UBE2D2: variants seen among roughly 807,000 people sequenced by gnomAD.
UBE2D2 encodes ubiquitin-conjugating enzyme E2 D2.
A neutral mutation model predicts 24.2 loss-of-function variants in UBE2D2; 2 were observed. The ratio of observed to expected loss-of-function variants is 0.08; its 90% confidence interval spans 0.03 to 0.26. The LOEUF is 0.26. Ranked by LOEUF, UBE2D2 falls within the 10% of genes least tolerant of loss-of-function variation. The pLI is 1.00. For synonymous variants in UBE2D2, 58 were observed against 56.5 expected, an observed-to-expected ratio of 1.03 and a Z score of -0.12; for missense variants, 44 against 177.6, an observed-to-expected ratio of 0.25 and a Z score of 4.28.
intron 1 of UBE2D2, among the ~76,000 whole-genome samples, chr5:139,545,353 C>T (rs1394008941): frequency 1.3e-5 from 2 of 151,846 alleles, no homozygotes; most frequent in African/African-American, 4.8e-5. Flanking sequence ...TAAGCATATG[C>T]CACTGCTCTC....
chr5:139,591,808 A>G (rs1189220202), intron 1 of UBE2D2, among the ~76,000 whole-genome samples: 17 of 152,172 alleles, frequency 1.1e-4, no homozygotes, highest in African/African-American at 3.6e-4. Flanking sequence ...AAGTAGTAAA[A>G]ATTAAATTGT....
In UBE2D2 at chr5:139,548,864, T is replaced by G. The variant is rs565214128; in HGVS notation, c.-64+22252T>G. ...CCTGGTTCTTTTTTTTTTCTTTTTT[T>G]TTTAGATGGAGTCTCACTCTTTTGC... On this transcript the variant is annotated intron_variant, in intron 1 of 6. Transcript: ENST00000511725. 4.6e-5 allele frequency among the ~76,000 whole-genome samples: 7 copies of G among 151,870 alleles called. No individual in the cohort carries two copies. In the East Asian group the frequency reaches 1.4e-3, roughly 30 times the overall value.
At chr5:139,584,991 CTT>C (rs1381060338) in intron 1 of UBE2D2, among the ~76,000 whole-genome samples, 1 of 151,168 alleles carries the variant, frequency 6.6e-6, no homozygotes, top group Non-Finnish European at 1.5e-5. Flanking sequence ...ACCTCCATCT[CTT>C]GGGTTCAAGT....
intron 5 of UBE2D2, among the ~76,000 whole-genome samples, chr5:139,619,967 A>G (rs1217361353): frequency 6.6e-6 from 1 of 152,178 alleles, no homozygotes; most frequent in Non-Finnish European, 1.5e-5. Flanking sequence ...TCATGGCAGA[A>G]GGCAAAGGGG....
chr5:139,551,345 A>T (rs1035939110), intron 1 of UBE2D2, among the ~76,000 whole-genome samples: 21 of 152,140 alleles, frequency 1.4e-4, no homozygotes, highest in Admixed American at 1.4e-3. Flanking sequence ...GTGAAACTCC[A>T]TCTCAAAGAA....
intron 1 of UBE2D2, among the ~76,000 whole-genome samples, chr5:139,578,964 A>G (rs1005008724): frequency 7.2e-5 from 11 of 151,778 alleles, no homozygotes; most frequent in Admixed American, 2.0e-4. Context: ...ATTTTTGTTT[A>G]TTTATTTATT....
chr5:139,615,501 A>T (rs375665378), intron 5 of UBE2D2, among the ~76,000 whole-genome samples: 60 of 152,136 alleles, frequency 3.9e-4, no homozygotes, highest in African/African-American at 1.4e-3. Context: ...AAAAAAGAAG[A>T]TGGACACTGG....
intron 1 of UBE2D2, among the ~76,000 whole-genome samples, chr5:139,528,732 C>G (rs1752566745): frequency 6.6e-6 from 1 of 152,154 alleles, no homozygotes; most frequent in Admixed American, 6.5e-5. Context: ...CTGAAGTTTG[C>G]AACACCCTAA....
At chr5:139,615,063 A>G (rs1174910678) in intron 5 of UBE2D2, 97 bp downstream of exon 5, 10 of 1,193,112 alleles carry the variant, frequency 8.4e-6, no homozygotes, top group Admixed American at 2.5e-5. Context: ...TTCTTTTAAG[A>G]AGAGATAGCA....
chr5:139,599,342 A>G, intron 1 of UBE2D2, among the ~76,000 whole-genome samples: 1 of 152,152 alleles, frequency 6.6e-6, no homozygotes, highest in East Asian at 1.9e-4. Flanking sequence ...TGGAACATTT[A>G]TGACTTTAGG....
At chr5:139,555,519 AC>A (rs1440910382) in intron 1 of UBE2D2, among the ~76,000 whole-genome samples, 8 of 152,148 alleles carry the variant, frequency 5.3e-5, no homozygotes, top group Non-Finnish European at 7.4e-5. Flanking sequence ...AAAAATGAAA[AC>A]CCAACATATC....
At chr5:139,594,256 A>G (rs999549060) in intron 1 of UBE2D2, among the ~76,000 whole-genome samples, 2 of 152,184 alleles carry the variant, frequency 1.3e-5, no homozygotes, top group African/African-American at 4.8e-5. Context: ...CTACTCAAGG[A>G]TATAGTGAAA....
intron 1 of UBE2D2, among the ~76,000 whole-genome samples, chr5:139,568,141 C>T (rs934488578): frequency 6.6e-6 from 1 of 151,320 alleles, no homozygotes; most frequent in Non-Finnish European, 1.5e-5. Context: ...GTCAGGAGTT[C>T]GAGACCAGCC....
chr5:139,565,987 G>GATTATCA (rs1248972623), intron 1 of UBE2D2, among the ~76,000 whole-genome samples: 1 of 151,658 alleles, frequency 6.6e-6, no homozygotes, highest in Non-Finnish European at 1.5e-5. Flanking sequence ...GTAATGCCAG[G>GATTATCA]ATTATCACTT....
intron 1 of UBE2D2, among the ~76,000 whole-genome samples, chr5:139,545,059 G>T (rs528525393): frequency 3.9e-5 from 6 of 152,028 alleles, no homozygotes; most frequent in East Asian, 3.9e-4. Flanking sequence ...GATTTCAGGC[G>T]TGAGCCACTG....
chr5:139,555,609 G>A (rs1236923276), intron 1 of UBE2D2, among the ~76,000 whole-genome samples: 1 of 152,080 alleles, frequency 6.6e-6, no homozygotes, highest in Middle Eastern at 3.4e-3. Flanking sequence ...TATAAAATTG[G>A]TCATCTAAAC....
chr5:139,597,679 TAAC>T (rs760266387), intron 1 of UBE2D2, among the ~76,000 whole-genome samples: 13 of 152,370 alleles, frequency 8.5e-5, no homozygotes, highest in South Asian at 4.1e-4. Flanking sequence ...ATATTTTAAT[TAAC>T]AACCTGTTGC....
chr5:139,550,562 C>G (rs769943732), intron 1 of UBE2D2, among the ~76,000 whole-genome samples: 6 of 152,084 alleles, frequency 3.9e-5, no homozygotes, highest in Non-Finnish European at 8.8e-5. Flanking sequence ...TTCTCTTCCA[C>G]GCTCACGCTA....
At chr5:139,527,127 T>G (rs1752550539) in intron 1 of UBE2D2, among the ~76,000 whole-genome samples, 1 of 152,176 alleles carries the variant, frequency 6.6e-6, no homozygotes, top group Non-Finnish European at 1.5e-5. Flanking sequence ...ACTTAGAACT[T>G]TGTGTGAAAT....
Sources: gnomAD v4.1 joint callset for allele counts (sites outside exome capture counted in the v4.1 genomes callset) on GRCh38, gnomAD v4.1.1 for gene constraint, MANE v1.5 for transcripts, NCBI Gene and HGNC (gene_info 2026-07-23, HGNC 2026-07-21) for gene names.